Variants in LRMDA observed in about 807,000 individuals in gnomAD.
The protein encoded by LRMDA is leucine rich melanocyte differentiation associated, also known as leucine-rich melanocyte differentiation-associated protein.
A neutral mutation model predicts 29.8 loss-of-function variants in LRMDA; 18 were observed. The ratio of observed to expected loss-of-function variants is 0.60; its 90% confidence interval spans 0.42 to 0.90. The LOEUF is 0.90. Ranked by LOEUF, LRMDA falls within the 40% of genes least tolerant of loss-of-function variation. LRMDA has a pLI of 0.00. For missense variants in LRMDA, 273 were observed against 273.9 expected (o/e 1.00, Z 0.02); for synonymous variants, 125 against 109.4 (o/e 1.14, Z -0.89).
intron 2 of LRMDA, among the ~76,000 whole-genome samples, chr10:75,521,729 A>G (rs1202467709): frequency 6.6e-6 from 1 of 152,246 alleles, no homozygotes; most frequent in African/African-American, 2.4e-5. Flanking sequence ...CTGTCCAACC[A>G]GTCCCAATGA....
At chr10:76,106,979 C>G (rs904027241) in intron 5 of LRMDA, among the ~76,000 whole-genome samples, 4 of 152,204 alleles carry the variant, frequency 2.6e-5, no homozygotes, top group Non-Finnish European at 5.9e-5. Context: ...AATATTCCCC[C>G]TGGAGTCCCA....
chr10:76,339,949 C>T (rs1841017018), intron 6 of LRMDA, among the ~76,000 whole-genome samples: 1 of 59,446 alleles, frequency 1.7e-5, no homozygotes, highest in African/African-American at 6.8e-5. Context: ...TTTTCTCTTA[C>T]TAGGAATCCA....
chr10:75,677,737 T>TGGATTTTG (rs1478387437), intron 2 of LRMDA, among the ~76,000 whole-genome samples: 14 of 152,278 alleles, frequency 9.2e-5, no homozygotes, highest in Middle Eastern at 6.8e-3. Flanking sequence ...ATTAACAGTG[T>TGGATTTTG]GGATTTTGGC....
intron 2 of LRMDA, among the ~76,000 whole-genome samples, chr10:75,542,230 A>AT (rs796849196): frequency 2.0e-5 from 3 of 152,134 alleles, no homozygotes; most frequent in African/African-American, 7.2e-5. Flanking sequence ...GACTAAACTC[A>AT]TTGAGGGGGT....
At chr10:75,451,619 G>A (rs1295953455) in intron 2 of LRMDA, 1 of 152,162 alleles carries the variant, frequency 6.6e-6, no homozygotes, top group African/African-American at 2.4e-5. Context: ...GGTAGGGGAA[G>A]TGGAGGGGAG....
At chr10:75,735,701 A>G (rs1424095441) in intron 2 of LRMDA, among the ~76,000 whole-genome samples, 4 of 152,026 alleles carry the variant, frequency 2.6e-5, no homozygotes, top group African/African-American at 9.7e-5. Flanking sequence ...AGTTGTTCCC[A>G]CTCAAGCCTT....
intron 6 of LRMDA, among the ~76,000 whole-genome samples, chr10:76,523,606 G>C (rs755409469): frequency 6.6e-6 from 1 of 152,132 alleles, no homozygotes; most frequent in Admixed American, 6.5e-5. Flanking sequence ...TATTAGAAAG[G>C]GGGGTGGGAA....
intron 5 of LRMDA, among the ~76,000 whole-genome samples, chr10:76,123,471 T>G (rs1325293002): frequency 2.0e-5 from 3 of 152,178 alleles, no homozygotes; most frequent in African/African-American, 7.2e-5. Flanking sequence ...ATTGTGCCAC[T>G]GCACTCCAGC....
intron 5 of LRMDA, among the ~76,000 whole-genome samples, chr10:76,062,660 G>GT (rs1357165197): frequency 8.0e-6 from 1 of 125,754 alleles, no homozygotes; most frequent in African/African-American, 2.8e-5. Flanking sequence ...ATCTCTCTGT[G>GT]TGTGTGTGTG....
At chr10:76,491,066 C>T (rs1463416917) in intron 6 of LRMDA, among the ~76,000 whole-genome samples, 1 of 151,832 alleles carries the variant, frequency 6.6e-6, no homozygotes, top group Non-Finnish European at 1.5e-5. Context: ...AAAATCAGCA[C>T]ATTAACTTTT....
intron 2 of LRMDA, among the ~76,000 whole-genome samples, chr10:75,665,479 A>G (rs1187236398): frequency 1.3e-5 from 2 of 152,242 alleles, no homozygotes; most frequent in Non-Finnish European, 2.9e-5. Flanking sequence ...ATGGTGGTTA[A>G]AATGATAAGA....
At chr10:75,989,888 G>T (rs1847335603) in intron 2 of LRMDA, among the ~76,000 whole-genome samples, 1 of 152,160 alleles carries the variant, frequency 6.6e-6, no homozygotes, top group Non-Finnish European at 1.5e-5. Flanking sequence ...GGTGACCCCA[G>T]TAGGCTGAAG....
At chr10:75,890,350 A>G (rs1395185838) in intron 2 of LRMDA, among the ~76,000 whole-genome samples, 2 of 152,254 alleles carry the variant, frequency 1.3e-5, no homozygotes, top group African/African-American at 4.8e-5. Flanking sequence ...AAGGCACACA[A>G]AACATTAAAA....
intron 2 of LRMDA, among the ~76,000 whole-genome samples, chr10:75,674,515 G>A (rs1348550527): frequency 6.6e-6 from 1 of 151,374 alleles, no homozygotes; most frequent in African/African-American, 2.4e-5. Context: ...GAATATTATC[G>A]CTCTCTAACT....
At chr10:75,685,732 A>G (rs1842073819) in intron 2 of LRMDA, among the ~76,000 whole-genome samples, 1 of 152,226 alleles carries the variant, frequency 6.6e-6, no homozygotes, top group Admixed American at 6.5e-5. Context: ...CAGTGGATCT[A>G]TTGTTCAGAA....
chr10:75,864,366 C>T (rs1261516240), intron 2 of LRMDA, among the ~76,000 whole-genome samples: 1 of 152,172 alleles, frequency 6.6e-6, no homozygotes, highest in Non-Finnish European at 1.5e-5. Context: ...CAGGTTCAGC[C>T]CTTTAACCTC....
intron 2 of LRMDA, among the ~76,000 whole-genome samples, chr10:75,996,849 C>T (rs868804745): frequency 4.6e-5 from 7 of 151,846 alleles, no homozygotes; most frequent in Middle Eastern, 6.9e-3. Flanking sequence ...TCTCCTGCCT[C>T]AGCCTCCCGA....
chr10:76,306,780 C>T lies in LRMDA; in HGVS notation c.517-17621C>T, dbSNP rs528238729. 8.5e-5 allele frequency among the ~76,000 whole-genome samples: 13 copies of T among 152,320 alleles called. 1 individual carries two copies. The highest frequency in any genetic ancestry group is 8.3e-4 in the South Asian group (4 of 4,826). On this transcript the variant is annotated intron_variant, in intron 5 of 6. Transcript: ENST00000611255. ...GACTGTTGTTCCCAGAGGACTTCCTCGTGCTACTCTTTTGTACTGGTCACA... is the reference window on the plus strand; with the variant it reads ...GACTGTTGTTCCCAGAGGACTTCCTTGTGCTACTCTTTTGTACTGGTCACA...
intron 2 of LRMDA, among the ~76,000 whole-genome samples, chr10:75,522,678 A>T (rs1351177230): frequency 6.6e-6 from 1 of 152,236 alleles, no homozygotes; most frequent in African/African-American, 2.4e-5. Context: ...TTGTTCTACA[A>T]CATGGGATTC....
Sources: gnomAD v4.1 joint callset for allele counts (sites outside exome capture counted in the v4.1 genomes callset) on GRCh38, gnomAD v4.1.1 for gene constraint, MANE v1.5 for transcripts, NCBI Gene and HGNC (gene_info 2026-07-23, HGNC 2026-07-21) for gene names.